REV3L: variants seen among roughly 807,000 people sequenced by gnomAD.
REV3L encodes the protein REV3 like, DNA directed polymerase zeta catalytic subunit.
REV3L carries 69 observed loss-of-function variants against 299.4 expected under a neutral mutation model. The ratio of observed to expected loss-of-function variants is 0.23; its 90% CI spans 0.19 to 0.28. The LOEUF (loss-of-function observed/expected upper bound fraction) is 0.28, where lower values mean the gene tolerates loss of function less well. Among genes scored for constraint, REV3L ranks in the 10% least tolerant of loss-of-function variants. The pLI is 1.00. For synonymous variants in REV3L, 1,238 were observed against 1,271.4 expected, an observed-to-expected ratio of 0.97 and a Z score of 0.56; for missense variants, 3,128 against 3,693.8, an observed-to-expected ratio of 0.85 and a Z score of 3.97.
chr6:111,421,516 A>C (rs2128289372), intron 1 of REV3L, among the ~76,000 whole-genome samples: 2 of 152,332 alleles, frequency 1.3e-5, no homozygotes, highest in South Asian at 4.1e-4. Context: ...ATTTACAAAA[A>C]CACGCAACAT....
intron 4 of REV3L, among the ~76,000 whole-genome samples, chr6:111,404,331 C>T (rs1783400525): frequency 6.6e-6 from 1 of 152,168 alleles, no homozygotes; most frequent in East Asian, 1.9e-4. Flanking sequence ...AAAAAAGATT[C>T]CTTTCAAACT....
chr6:111,479,015 T>A (rs1263155312), intron 1 of REV3L, among the ~76,000 whole-genome samples: 1 of 152,198 alleles, frequency 6.6e-6, no homozygotes, highest in East Asian at 1.9e-4. Context: ...CTGAGGAAAC[T>A]GTGAGAGCTG....
chr6:111,473,851 C>T (rs1792559023), intron 1 of REV3L, among the ~76,000 whole-genome samples: 1 of 152,106 alleles, frequency 6.6e-6, no homozygotes, highest in African/African-American at 2.4e-5. Flanking sequence ...TCAAATCCAG[C>T]CTCACACCAA....
At chr6:111,411,345 A>G in intron 3 of REV3L, 135 bp downstream of exon 3, 1 of 624,308 alleles carries the variant, frequency 1.6e-6, no homozygotes, top group Non-Finnish European at 2.8e-6. Context: ...CTCTCTCTAT[A>G]CACGTACATG....
Position 111,373,764 on chromosome 6 carries a change from T to A in REV3L, c.4591A>T (p.Lys1531Ter). ...TGCTGTCTTTTTTGTAACAATTCTT[T>A]TAGAACTGCCAGTCCAGACTGTCCT... is the stretch of plus-strand genomic sequence containing the variant. ...GEGQSGLAVL[K>*]ELLQKRQQKA... The change falls in exon 13 of 32, where the codon AAA (lysine) becomes TAA (stop). Residue 1531 changes from lysine to a stop codon, truncating the protein, a stop_gained. Transcript: ENST00000368802. LOFTEE classifies it high-confidence loss of function. The A allele has an allele frequency of 6.2e-7, 1 of 1,614,106 alleles. No homozygotes were observed. The highest frequency in any genetic ancestry group is 8.5e-7 in the Non-Finnish European group (1 of 1,180,000).
chr6:111,360,085 T>C (rs1413472144), intron 16 of REV3L, among the ~76,000 whole-genome samples: 2 of 152,054 alleles, frequency 1.3e-5, no homozygotes, highest in Non-Finnish European at 2.9e-5. Flanking sequence ...GGAAAAAAAC[T>C]AAATGTTTAC....
intron 5 of REV3L, 26 bp downstream of exon 5, chr6:111,392,850 T>C (rs760564089): frequency 3.4e-6 from 5 of 1,458,392 alleles, no homozygotes; most frequent in Non-Finnish European, 3.9e-6. Context: ...TGTAAAATTT[T>C]CATTTCCTTT....
At chr6:111,311,906 C>T (rs1388223505) in intron 28 of REV3L, 1 of 151,964 alleles carries the variant, frequency 6.6e-6, no homozygotes, top group Non-Finnish European at 1.5e-5. Context: ...CTCCCGGGTT[C>T]AAGCGACTCT....
At chr6:111,347,454 G>A (rs1777146891) in intron 20 of REV3L, among the ~76,000 whole-genome samples, 2 of 151,914 alleles carry the variant, frequency 1.3e-5, no homozygotes, top group Non-Finnish European at 2.9e-5. Flanking sequence ...CTCAAGCAGA[G>A]TCATGTTGTA....
chr6:111,405,323 C>A, intron 4 of REV3L, 147 bp downstream of exon 4: 1 of 547,774 alleles, frequency 1.8e-6, no homozygotes. Context: ...AATCTCTAAT[C>A]CCACTTTGCA....
chr6:111,477,693 C>G (rs1208398735), intron 1 of REV3L, among the ~76,000 whole-genome samples: 2 of 152,148 alleles, frequency 1.3e-5, no homozygotes, highest in African/African-American at 4.8e-5. Context: ...AGGCAGATGC[C>G]ACCATATAAG....
At chr6:111,326,613 C>CAA (rs397768163) in intron 25 of REV3L, among the ~76,000 whole-genome samples, 28 of 145,978 alleles carry the variant, frequency 1.9e-4, no homozygotes, top group Admixed American at 3.4e-4. Context: ...ATACCCCCCC[C>CAA]AAAAAAAAAA....
rs1235978996 is a variant in REV3L, at chr6:111,422,577, CACATATATAT to C, written c.140-6115_140-6106del. ...TGGGTGATTCTTTTATATATATATA[CACATATATAT>C]ATATATACACATATATATATATATA... is the stretch of plus-strand genomic sequence containing the variant. On this transcript the variant is annotated intron_variant, in intron 1 of 31. Transcript: ENST00000368802. Among the ~76,000 whole-genome samples, 149 of 20,644 alleles carry C rather than the reference CACATATATAT, an allele frequency of 7.2e-3. 11 individuals are homozygous for C. The highest frequency in any genetic ancestry group is 0.012 in the African/African-American group (141 of 12,226). 13.5% of individuals were successfully genotyped at this position (20,644 alleles called of 152,430 possible). A position where few individuals can be genotyped will look rare whatever the true frequency, so the allele number is the denominator to read the frequency against.
At chr6:111,464,153 G>T (rs1188247296) in intron 1 of REV3L, among the ~76,000 whole-genome samples, 1 of 151,988 alleles carries the variant, frequency 6.6e-6, no homozygotes, top group Non-Finnish European at 1.5e-5. Context: ...CCATAAATAT[G>T]TTAGTTCCCA....
Position 111,375,549 on chromosome 6 carries a change from A to C in REV3L, c.2806T>G (p.Phe936Val). 6.2e-7 allele frequency: 1 copy of C among 1,613,632 alleles called. No individual in the cohort carries two copies. Among genetic ancestry groups the C allele is most frequent in the Non-Finnish European group, 8.5e-7 (1 of 1,179,862 alleles). The change falls in exon 13 of 32, where the codon TTT becomes GTT. Residue 936 changes from phenylalanine (F) to valine (V), a missense_variant. Phe to Val is a conservative substitution (Grantham distance 50, BLOSUM62 -1). Around this residue, in one of 9 missense-constraint regions of REV3L, gnomAD observed 2,409 missense variants for 2,611.8 expected, o/e 0.92. Coordinates refer to ENST00000368802, the MANE Select transcript of REV3L (RefSeq NM_001372078.1). ...NYETEDSESSFVTHNSKISLP... is the reference protein window; with the variant it reads ...NYETEDSESSVVTHNSKISLP... Reference sequence around the variant, plus strand: ...CTAATTTTTGAGTTGTGAGTTACAAAACTTGACTCACTGTCTTCAGTCTCA... The same window carrying C: ...CTAATTTTTGAGTTGTGAGTTACAACACTTGACTCACTGTCTTCAGTCTCA...
rs1175896696 is a variant in REV3L at position 111,367,508 on chromosome 6, G to C, written c.6280C>G (p.Leu2094Val). The C allele has an allele frequency of 6.2e-7, 1 of 1,610,154 alleles. No homozygotes were observed. Among genetic ancestry groups the C allele is most frequent in the African/African-American group, 1.3e-5 (1 of 74,888 alleles). ...CSQTASESQM[L>V]PPVASASDPE... is the part of the protein sequence containing the mutation. ...TCACTTGCAGAGGCAACTGGTGGCA[G>C]CATCTGACTTTCACTTGCAGTTTGA... is the stretch of plus-strand genomic sequence containing the variant. Residue 2094 changes from leucine (L) to valine (V), a missense_variant, in exon 14 of 32, where the codon CTG becomes GTG. Transcript: ENST00000368802.
intron 1 of REV3L, among the ~76,000 whole-genome samples, chr6:111,423,532 A>G (rs4620159): frequency 0.67 from 102,164 of 151,816 alleles, 36,513 homozygotes; most frequent in Non-Finnish European, 0.81. Flanking sequence ...GAGAGAGAGA[A>G]AAACAGTGTG....
chr6:111,387,169 G>A (rs1195117499), intron 9 of REV3L, among the ~76,000 whole-genome samples: 2 of 152,118 alleles, frequency 1.3e-5, no homozygotes, highest in African/African-American at 4.8e-5. Flanking sequence ...AGTAAAAGAA[G>A]CCAGACACAA....
chr6:111,323,485 A>T (rs1237762631), intron 25 of REV3L, among the ~76,000 whole-genome samples: 1 of 152,200 alleles, frequency 6.6e-6, no homozygotes, highest in Non-Finnish European at 1.5e-5. Flanking sequence ...TAATTATATG[A>T]TGGGAAATAT....
Sources: gnomAD v4.1 joint callset for allele counts (sites outside exome capture counted in the v4.1 genomes callset) on GRCh38, gnomAD v4.1.1 for gene constraint, gnomAD v4.1.1 regional missense constraint, MANE v1.5 for transcripts, NCBI Gene and HGNC (gene_info 2026-07-23, HGNC 2026-07-21) for gene names.